SEMA5B: variants seen among roughly 807,000 people sequenced by gnomAD.
SEMA5B encodes the protein semaphorin-5B.
Under a neutral mutation model 135.0 loss-of-function variants are expected in SEMA5B, and 66 were observed. The ratio of observed to expected loss-of-function variants is 0.49; its 90% CI spans 0.40 to 0.60. The LOEUF is 0.60. Among genes scored for constraint, SEMA5B ranks in the 20% least tolerant of loss-of-function variants. The pLI is 0.00. For missense variants in SEMA5B, 1,501 were observed against 1,566.3 expected (o/e 0.96, Z 0.70); for synonymous variants, 690 against 639.5 (o/e 1.08, Z -1.19).
intron 1 of SEMA5B, among the ~76,000 whole-genome samples, chr3:122,969,379 AC>A (rs900872994): frequency 6.6e-6 from 1 of 152,150 alleles, no homozygotes; most frequent in Non-Finnish European, 1.5e-5. Context: ...GAGAAGGGAT[AC>A]CACCCAGGTC....
Position 122,922,312 on chromosome 3 carries a change from G to A in SEMA5B, c.1408C>T (p.Arg470Cys), listed in dbSNP as rs768732490. 1 of 1,614,056 alleles carries A rather than the reference G, an allele frequency of 6.2e-7. No individual in the cohort carries two copies. The highest frequency in any genetic ancestry group is 8.5e-7 in the Non-Finnish European group (1 of 1,179,938). The change falls in exon 11 of 23, where the codon CGC (arginine) becomes TGC (cysteine). Residue 470 changes from arginine (R) to cysteine (C), a missense_variant. Transcript: ENST00000357599. ...PEPCVTQDSV[R>C]FSHLVVDLVQ... ...AGGTCCACCACGAGGTGTGAGAAGC[G>A]CACGCTGTCCTGGGTGACACAGGGC...
chr3:123,021,437 G>C (rs943992262), intron 1 of SEMA5B, among the ~76,000 whole-genome samples: 7 of 152,230 alleles, frequency 4.6e-5, no homozygotes, highest in African/African-American at 1.7e-4. Context: ...ACTCACTACA[G>C]ATATAGAGTT....
intron 2 of SEMA5B, among the ~76,000 whole-genome samples, chr3:122,950,974 C>T (rs1201760331): frequency 2.0e-5 from 3 of 152,092 alleles, no homozygotes; most frequent in African/African-American, 7.2e-5. Context: ...TGCTCTGTCT[C>T]CCAGGTTGGA....
At chr3:122,966,729 TTTGC>T in intron 1 of SEMA5B, among the ~76,000 whole-genome samples, 1 of 150,190 alleles carries the variant, frequency 6.7e-6, no homozygotes, top group South Asian at 2.1e-4. Flanking sequence ...TAATTTTTTG[TTTGC>T]ATTTTTAGTA....
chr3:122,966,296 T>G (rs1235048288), intron 1 of SEMA5B, among the ~76,000 whole-genome samples: 2 of 152,148 alleles, frequency 1.3e-5, no homozygotes, highest in Non-Finnish European at 2.9e-5. Context: ...AGTTGATAAA[T>G]GTTTTCATTT....
intron 10 of SEMA5B, among the ~76,000 whole-genome samples, chr3:122,923,190 G>A (rs1398502279): frequency 6.6e-6 from 1 of 152,152 alleles, no homozygotes; most frequent in East Asian, 1.9e-4. Context: ...ACCCACGGCT[G>A]GGCCCTGACC....
intron 1 of SEMA5B, among the ~76,000 whole-genome samples, chr3:122,985,250 T>C (rs1255668973): frequency 6.6e-6 from 1 of 152,140 alleles, no homozygotes; most frequent in East Asian, 1.9e-4. Context: ...CCCAGCACTT[T>C]GAGAGGCCAA....
Position 122,966,353 on chromosome 3 carries a change from T to C in SEMA5B, c.-38-5052A>G, listed in dbSNP as rs1206472768. On this transcript the variant is annotated intron_variant, in intron 1 of 22. Transcript: ENST00000357599. ...GCAAAGAGGTTTGTGACTTAAAGAG[T>C]TGCTCAGAGAAGAGCCCCTCCTAAA... is the stretch of plus-strand genomic sequence containing the variant. Among the ~76,000 whole-genome samples the C allele has an allele frequency of 2.6e-5, 4 of 152,060 alleles. No homozygotes were observed. The East Asian group carries it at 7.7e-4, about 29-fold the overall frequency.
At chr3:122,911,286 C>A in intron 21 of SEMA5B, 1 of 1,429,074 alleles carries the variant, frequency 7.0e-7, no homozygotes. Context: ...GATGACTCTT[C>A]CTTGGGTACA....
At chr3:122,927,758 A>T in intron 8 of SEMA5B, 32 bp downstream of exon 8, 1 of 1,367,684 alleles carries the variant, frequency 7.3e-7, no homozygotes, top group South Asian at 1.9e-5. Context: ...AAACCAGGGG[A>T]GTCCCCACCC....
chr3:122,983,981 C>T (rs1165364156), intron 1 of SEMA5B, among the ~76,000 whole-genome samples: 1 of 152,038 alleles, frequency 6.6e-6, no homozygotes, highest in African/African-American at 2.4e-5. Flanking sequence ...CAGGTCATTC[C>T]GAGAGTTTGG....
chr3:122,926,976 A>G (rs1035291601), intron 8 of SEMA5B, among the ~76,000 whole-genome samples: 3 of 152,240 alleles, frequency 2.0e-5, no homozygotes, highest in African/African-American at 7.2e-5. Flanking sequence ...GATTATCCCC[A>G]TATTACAGAT....
chr3:122,911,617 G>C, intron 20 of SEMA5B, 82 bp from the exon 21 acceptor site: 3 of 1,417,342 alleles, frequency 2.1e-6, no homozygotes, highest in Admixed American at 2.0e-5. Context: ...AGCCTGGGAG[G>C]ACCTCTAGGT....
intron 8 of SEMA5B, 24 bp downstream of exon 8, chr3:122,927,766 C>T: frequency 5.0e-6 from 7 of 1,396,080 alleles, no homozygotes; most frequent in Non-Finnish European, 6.6e-6. Flanking sequence ...GGAGTCCCCA[C>T]CCCTGGCACT....
At chr3:122,961,355 G>A (rs558788177) in intron 1 of SEMA5B, 54 bp from the exon 2 acceptor site, 1 of 1,542,722 alleles carries the variant, frequency 6.5e-7, no homozygotes, top group East Asian at 2.3e-5. Flanking sequence ...CCAGGCAAAA[G>A]AGATGAGGTC....
rs2107551778 is a variant in SEMA5B, at chr3:122,948,557, T to C, written c.277A>G (p.Ser93Gly). 6.2e-7 allele frequency: 1 copy of C among 1,613,380 alleles called. No homozygotes were observed. Residue 93 changes from serine (S) to glycine (G), a missense_variant, in exon 3 of 23, where the codon AGT (serine) becomes GGT (glycine). Around this residue, in one of 2 missense-constraint regions of SEMA5B, gnomAD observed 574 missense variants for 684.7 expected, o/e 0.84. Transcript: ENST00000357599. ...CTAAGGGCGCACAGCTGCTGCTCAC[T>C]GCTGGGCTCACTGGAGACATCCTGG... Reference protein sequence around the residue: ...SSQDVSSEPSSEQQLCALSKH... With the variant: ...SSQDVSSEPSGEQQLCALSKH...
intron 4 of SEMA5B, among the ~76,000 whole-genome samples, chr3:122,940,344 G>A (rs1189770129): frequency 6.6e-6 from 1 of 152,212 alleles, no homozygotes; most frequent in African/African-American, 2.4e-5. Context: ...GAGAGTCTCA[G>A]TGCCTGCATC....
rs527820355 is a variant in SEMA5B, at chr3:122,961,732, C to T, written c.-38-431G>A. ...CTCAGCCTCCCAAAGTGTCCTCCTG[C>T]CTCTCTCTCTACAAAGAGACTACAA... On this transcript the variant is annotated intron_variant, in intron 1 of 22. Coordinates refer to ENST00000357599, the MANE Select transcript of SEMA5B (RefSeq NM_001031702.4). Among the ~76,000 whole-genome samples the T allele has an allele frequency of 5.9e-5, 9 of 152,184 alleles. No homozygotes were observed. The East Asian group carries it at 1.7e-3, about 29-fold the overall frequency.
intron 1 of SEMA5B, chr3:122,976,220 G>A: frequency 7.0e-7 from 1 of 1,427,136 alleles, no homozygotes; most frequent in Non-Finnish European, 9.3e-7. Flanking sequence ...AGCAGCATCT[G>A]CACCTCCTGG....
Sources: gnomAD v4.1 joint callset for allele counts (sites outside exome capture counted in the v4.1 genomes callset) on GRCh38, gnomAD v4.1.1 for gene constraint, gnomAD v4.1.1 regional missense constraint, MANE v1.5 for transcripts, NCBI Gene and HGNC (gene_info 2026-07-23, HGNC 2026-07-21) for gene names.